HOGA1: variants seen among roughly 807,000 people sequenced by gnomAD.
The protein encoded by HOGA1 is 4-hydroxy-2-oxoglutarate aldolase 1, also known as 4-hydroxy-2-oxoglutarate aldolase, mitochondrial.
HOGA1 carries 30 observed loss-of-function variants against 34.3 expected under a neutral mutation model. That is an observed-to-expected ratio of 0.87 (90% CI 0.65 to 1.19). The LOEUF (loss-of-function observed/expected upper bound fraction) is 1.19. HOGA1 is among the 50% of genes most tolerant of loss of function. HOGA1 has a pLI of 0.00. For missense variants in HOGA1, 417 were observed against 436.5 expected, an observed-to-expected ratio of 0.96 and a Z score of 0.40; for synonymous variants, 161 against 174.0, an observed-to-expected ratio of 0.93 and a Z score of 0.59.
At chr10:97,602,189 G>A in intron 6 of HOGA1, 199 bp downstream of exon 6, 1 of 1,545,338 alleles carries the variant, frequency 6.5e-7, no homozygotes, top group Non-Finnish European at 8.7e-7. Context: ...ACCACTGATT[G>A]TCAAACTTAA....
intron 1 of HOGA1, among the ~76,000 whole-genome samples, chr10:97,596,516 T>C (rs1182543013): frequency 2.0e-5 from 3 of 152,164 alleles, no homozygotes; most frequent in Non-Finnish European, 4.4e-5. Context: ...CGTAGCTAGA[T>C]TGGAGTCCTC....
rs142494950 is a variant in HOGA1 at position 97,609,827 on chromosome 10, C to T, written c.835-1683C>T. ...TCAGGCTTTGGGTAAAAAGGCCAGG[C>T]TATTAGAACATCATGGGGGTGGCGA... On this transcript the variant is annotated intron_variant, in intron 6 of 6. Transcript: ENST00000370646. Among the ~76,000 whole-genome samples the T allele has an allele frequency of 2.0e-4, 30 of 152,246 alleles. No homozygotes were observed. The East Asian group carries it at 5.4e-3, about 27-fold the overall frequency.
At chr10:97,592,240 C>CT (rs370993111) in intron 1 of HOGA1, among the ~76,000 whole-genome samples, 24,443 of 121,046 alleles carry the variant, frequency 0.2, 3,512 homozygotes, top group Non-Finnish European at 0.31. Context: ...AATCCCTGTA[C>CT]TTTTTTTTTT....
chr10:97,608,817 T>G (rs1178272681), intron 6 of HOGA1, among the ~76,000 whole-genome samples: 1 of 151,452 alleles, frequency 6.6e-6, no homozygotes, highest in East Asian at 1.9e-4. Context: ...AAAAAAAAAT[T>G]GCATTGAAAT....
At chr10:97,585,057 G>T (rs2040957467) in intron 1 of HOGA1, 143 bp downstream of exon 1, 1 of 704,330 alleles carries the variant, frequency 1.4e-6, no homozygotes, top group East Asian at 2.7e-5. Context: ...GAGAGGAACA[G>T]GGGAGACTGG....
chr10:97,607,008 G>A (rs1293588487), intron 6 of HOGA1, among the ~76,000 whole-genome samples: 3 of 151,108 alleles, frequency 2.0e-5, no homozygotes, highest in Non-Finnish European at 4.4e-5. Context: ...AGTGGCTCAC[G>A]CCTATAATCT....
chr10:97,600,403 A>C, intron 5 of HOGA1: 1 of 578,780 alleles, frequency 1.7e-6, no homozygotes, highest in South Asian at 2.0e-5. Flanking sequence ...TGTAGTAGGG[A>C]TGCCTGCAGT....
rs761150081 is a variant in HOGA1 at position 97,611,583 on chromosome 10, G to A, written c.908G>A (p.Arg303His). The A allele has an allele frequency of 2.1e-5, 34 of 1,614,024 alleles. No homozygotes were observed. The Admixed American group carries it at 2.2e-4, about 10-fold the overall frequency. Residue 303 changes from arginine to histidine, a missense_variant, in exon 7 of 7, where the codon CGC (arginine) becomes CAC (histidine). Physicochemically the swap from Arg to His is conservative, Grantham distance 29 (BLOSUM62 0). Transcript: ENST00000370646. ...TTTGGCTACTATGGAGGCCCCTGCC[G>A]CGCCCCCTTGCAGGAGCTGAGCCCC... is the stretch of plus-strand genomic sequence containing the variant. Reference protein sequence around the residue: ...DWFGYYGGPCRAPLQELSPAE... With the variant: ...DWFGYYGGPCHAPLQELSPAE...
chr10:97,608,064 A>G (rs1013364853), intron 6 of HOGA1, among the ~76,000 whole-genome samples: 3 of 152,106 alleles, frequency 2.0e-5, no homozygotes, highest in African/African-American at 7.2e-5. Context: ...AATCCCAGCA[A>G]TTTGGGAGGC....
chr10:97,592,802 G>A (rs1438158691), intron 1 of HOGA1, among the ~76,000 whole-genome samples: 1 of 151,746 alleles, frequency 6.6e-6, no homozygotes, highest in Non-Finnish European at 1.5e-5. Context: ...GCCGAGATGG[G>A]CAGATCACTT....
At chr10:97,600,661 C>CT in intron 5 of HOGA1, 1 of 196,110 alleles carries the variant, frequency 5.1e-6, no homozygotes, top group South Asian at 1.0e-4. Flanking sequence ...ATCAACTGCT[C>CT]TTGTCTGTTT....
intron 1 of HOGA1, among the ~76,000 whole-genome samples, chr10:97,592,492 G>A (rs1426661064): frequency 3.3e-5 from 5 of 151,506 alleles, no homozygotes; most frequent in South Asian, 2.1e-4. Flanking sequence ...CGCCAGCCTC[G>A]GCCTCCCAAA....
At chr10:97,604,499 T>C (rs1564760762) in intron 6 of HOGA1, among the ~76,000 whole-genome samples, 1 of 152,108 alleles carries the variant, frequency 6.6e-6, no homozygotes, top group Non-Finnish European at 1.5e-5. Context: ...TTCTTTTTTA[T>C]TTTTAGTAGA....
Position 97,611,630 on chromosome 10 carries a change from A to G in HOGA1, c.955A>G (p.Met319Val), listed in dbSNP as rs1167308539. The G allele has an allele frequency of 8.7e-6, 14 of 1,613,876 alleles. No homozygotes were observed. In the Middle Eastern group the frequency reaches 8.2e-4, roughly 95 times the overall value. ...CCCCGCTGAGGAGGAGGCACTGCGC[A>G]TGGATTTCACCAGCAACGGCTGGCT... The part of the protein sequence containing the change: ...LSPAEEEALR[M>V]DFTSNGWL Residue 319 changes from methionine (M) to valine (V), a missense_variant, in exon 7 of 7, where the codon ATG becomes GTG. Transcript: ENST00000370646.
intron 1 of HOGA1, among the ~76,000 whole-genome samples, chr10:97,588,711 A>G (rs1401838593): frequency 2.0e-5 from 3 of 152,210 alleles, no homozygotes; most frequent in African/African-American, 7.2e-5. Flanking sequence ...CTTGTGTCCT[A>G]TTCCTTCCAT....
chr10:97,585,757 C>G (rs150347184), intron 1 of HOGA1, among the ~76,000 whole-genome samples: 2 of 152,330 alleles, frequency 1.3e-5, no homozygotes, highest in Non-Finnish European at 2.9e-5. Flanking sequence ...CCCTTTGGAG[C>G]TGCTAGGCCA....
At chr10:97,599,564 C>A in intron 3 of HOGA1, 116 bp from the exon 4 acceptor site, 1 of 1,320,348 alleles carries the variant, frequency 7.6e-7, no homozygotes, top group Non-Finnish European at 1.1e-6. Context: ...GGGAGGGAGG[C>A]CTGTCCAGGT....
In HOGA1 at chr10:97,611,719, G is replaced by T. The variant is rs2041197770; in HGVS notation, c.*60G>T. The T allele has an allele frequency of 6.4e-7, 1 of 1,563,942 alleles. No homozygotes were observed. The highest frequency in any genetic ancestry group is 1.3e-5 in the African/African-American group (1 of 74,472). Reference sequence around the variant, plus strand: ...CTCAGCCTCCTGCCTTGCACTTGCAGCCTGAAGCGGAGAGCACAGGGGGAT... The same window carrying T: ...CTCAGCCTCCTGCCTTGCACTTGCATCCTGAAGCGGAGAGCACAGGGGGAT... On this transcript the variant is annotated 3_prime_UTR_variant, in exon 7 of 7. Transcript: ENST00000370646.
chr10:97,588,195 C>G (rs886433531), intron 1 of HOGA1, among the ~76,000 whole-genome samples: 14 of 131,414 alleles, frequency 1.1e-4, no homozygotes, highest in South Asian at 2.7e-4. Context: ...TTTGTTTTTT[C>G]TTTCTTTTTT....
Sources: allele counts gnomAD v4.1 joint callset (sites outside exome capture counted in the v4.1 genomes callset), GRCh38; gene constraint gnomAD v4.1.1; transcripts MANE v1.5; gene names NCBI Gene and HGNC (gene_info 2026-07-23, HGNC 2026-07-21).